Variants in IRF2 observed in about 807,000 individuals in gnomAD.
IRF2 encodes the protein interferon regulatory factor 2.
IRF2 carries 15 observed loss-of-function variants against 40.6 expected under a neutral mutation model. The observed-to-expected ratio is 0.37, with a 90% CI of 0.25 to 0.57. IRF2 has a LOEUF of 0.57. Among genes scored for constraint, IRF2 ranks in the 20% least tolerant of loss-of-function variants. The pLI is 0.77. For missense variants in IRF2, 317 were observed against 455.7 expected, an observed-to-expected ratio of 0.70 and a Z score of 2.77; for synonymous variants, 151 against 165.5, an observed-to-expected ratio of 0.91 and a Z score of 0.67.
At chr4:184,472,597 C>G (rs1452488967) in intron 1 of IRF2, 2 of 152,064 alleles carry the variant, frequency 1.3e-5, no homozygotes, top group Admixed American at 1.3e-4. Context: ...GCCAGCACCA[C>G]TTTTCCTCAT....
intron 1 of IRF2, among the ~76,000 whole-genome samples, chr4:184,454,516 G>T (rs549692606): frequency 1.3e-5 from 2 of 152,292 alleles, no homozygotes; most frequent in South Asian, 4.1e-4. Context: ...TCTGCAAGCT[G>T]CAGAACTGTC....
intron 2 of IRF2, among the ~76,000 whole-genome samples, chr4:184,427,628 G>GA (rs2149903476): frequency 6.6e-6 from 1 of 152,198 alleles, no homozygotes; most frequent in East Asian, 1.9e-4. Context: ...CTGGGTGACA[G>GA]AGGGAGACCT....
At chr4:184,409,936 CA>C (rs1467239483) in intron 5 of IRF2, among the ~76,000 whole-genome samples, 3 of 151,460 alleles carry the variant, frequency 2.0e-5, no homozygotes, top group Admixed American at 1.3e-4. Flanking sequence ...CTTCTGAAAA[CA>C]AAAAACAAAA....
intron 3 of IRF2, among the ~76,000 whole-genome samples, chr4:184,419,026 G>C (rs535505057): frequency 8.5e-5 from 13 of 152,318 alleles, no homozygotes; most frequent in Non-Finnish European, 1.6e-4. Context: ...AGACTGAGAG[G>C]CTGCAAAGTC....
At chr4:184,395,412 C>T (rs868359204) in intron 7 of IRF2, among the ~76,000 whole-genome samples, 1 of 67,098 alleles carries the variant, frequency 1.5e-5, no homozygotes, top group African/African-American at 5.8e-5. Context: ...GACTCCGTCT[C>T]AAAAAAAAAA....
At chr4:184,409,692 G>C (rs554445506) in intron 5 of IRF2, among the ~76,000 whole-genome samples, 21 of 152,062 alleles carry the variant, frequency 1.4e-4, no homozygotes, top group Non-Finnish European at 7.4e-5. Flanking sequence ...CCAGGAGTTC[G>C]AGACCAGCCT....
At chr4:184,473,762 C>G (rs1739619506) in intron 1 of IRF2, among the ~76,000 whole-genome samples, 1 of 149,414 alleles carries the variant, frequency 6.7e-6, no homozygotes, top group Non-Finnish European at 1.5e-5. Context: ...CTGGCCGTGG[C>G]TGGAGGCGCT....
chr4:184,423,180 G>A lies in IRF2; in HGVS notation c.88-3612C>T, dbSNP rs188104852. 4.6e-5 allele frequency among the ~76,000 whole-genome samples: 7 copies of A among 152,242 alleles called. No homozygotes were observed. In the East Asian group the frequency reaches 5.8e-4, roughly 13 times the overall value. ...GTGTTGCTATGTGTGTGTAGACCCC[G>A]TGACGTCAGTATGTGCCAGGTGTCT... On this transcript the variant is annotated intron_variant, in intron 2 of 8. Transcript: ENST00000393593.
At chr4:184,405,300 A>G (rs1172504887) in intron 6 of IRF2, among the ~76,000 whole-genome samples, 1 of 152,190 alleles carries the variant, frequency 6.6e-6, no homozygotes, top group African/African-American at 2.4e-5. Flanking sequence ...CTCAAGGGTC[A>G]ATGATCTGGG....
chr4:184,444,673 A>G (rs896974295), intron 1 of IRF2, among the ~76,000 whole-genome samples: 2 of 152,358 alleles, frequency 1.3e-5, no homozygotes, highest in Admixed American at 1.3e-4. Flanking sequence ...GAGTATTGGG[A>G]CTACAGCAGA....
chr4:184,408,121 T>C lies in IRF2; in HGVS notation c.529+37A>G. The C allele has an allele frequency of 8.0e-7, 1 of 1,257,318 alleles. No homozygotes were observed. Among genetic ancestry groups the C allele is most frequent in the Non-Finnish European group, 1.2e-6 (1 of 859,040 alleles). The allele number at this position is 1,257,318 out of a possible 1,614,324, so 77.9% of individuals were successfully genotyped here. A position where few individuals can be genotyped will look rare whatever the true frequency, so the allele number is the denominator to read the frequency against. ...CAAATTTTAGGCCCCAGGGGGCTGC[T>C]GGTATGTATAAAAAATGAGACGTCA... On this transcript the variant is annotated intron_variant, in intron 6 of 8. Transcript: ENST00000393593. The surrounding 1 kb of genome is among the most constrained non-coding windows in gnomAD (Gnocchi z 4.9).
At chr4:184,390,199 C>A (rs1382683668) in intron 8 of IRF2, among the ~76,000 whole-genome samples, 2 of 152,176 alleles carry the variant, frequency 1.3e-5, no homozygotes, top group Non-Finnish European at 2.9e-5. Flanking sequence ...CCATTGTGCA[C>A]GCCCCATCTA....
intron 7 of IRF2, among the ~76,000 whole-genome samples, chr4:184,397,123 G>A (rs1736495856): frequency 6.6e-6 from 1 of 152,208 alleles, no homozygotes; most frequent in Non-Finnish European, 1.5e-5. Flanking sequence ...CCGAAGACAA[G>A]CTTATCCTGT....
At chr4:184,409,166 G>C (rs1259406143) in intron 5 of IRF2, among the ~76,000 whole-genome samples, 1 of 152,170 alleles carries the variant, frequency 6.6e-6, no homozygotes, top group African/African-American at 2.4e-5. Context: ...GGAATCCAAA[G>C]CGGAAGAGGG....
chr4:184,404,853 G>T (rs1179061981), intron 6 of IRF2, among the ~76,000 whole-genome samples: 2 of 152,196 alleles, frequency 1.3e-5, no homozygotes, highest in Non-Finnish European at 2.9e-5. Flanking sequence ...GCAGGAGGAG[G>T]CAAGAGTGGG....
At position 184,408,393 on chromosome 4, in the gene IRF2, C is replaced by T. The variant is rs369222600; in HGVS notation, c.412-118G>A. The T allele has an allele frequency of 3.5e-5, 25 of 704,500 alleles. No homozygotes were observed. Among genetic ancestry groups the T allele is most frequent in the Middle Eastern group, 2.5e-4 (1 of 4,000 alleles). The allele number at this position is 704,500 out of a possible 1,614,324, so 43.6% of individuals were successfully genotyped here. ...GCTAGGGTCATTCATGTTCAGCTGC[C>T]GAATACATTCATCCCCTGCTTCTTT... On this transcript the variant is annotated intron_variant, in intron 5 of 8. Transcript: ENST00000393593. The surrounding 1 kb of genome is among the most constrained non-coding windows in gnomAD (Gnocchi z 4.9).
At chr4:184,414,121 A>G (rs6844708) in intron 5 of IRF2, among the ~76,000 whole-genome samples, 41,594 of 152,164 alleles carry the variant, frequency 0.27, 5,839 homozygotes, top group Admixed American at 0.36. Context: ...ATAAAAGGGA[A>G]ATGACCTGCC....
At chr4:184,433,803 T>C (rs1561110123) in intron 1 of IRF2, among the ~76,000 whole-genome samples, 3 of 152,184 alleles carry the variant, frequency 2.0e-5, no homozygotes, top group Non-Finnish European at 2.9e-5. Flanking sequence ...AGGTAGTGCA[T>C]TACCAGTGCG....
At chr4:184,434,769 A>G (rs913800586) in intron 1 of IRF2, among the ~76,000 whole-genome samples, 6 of 152,254 alleles carry the variant, frequency 3.9e-5, no homozygotes, top group African/African-American at 1.2e-4. Context: ...AGTACTATCC[A>G]TGATTAGTGC....
Sources: allele counts gnomAD v4.1 joint callset (sites outside exome capture counted in the v4.1 genomes callset), GRCh38; gene constraint gnomAD v4.1.1; non-coding constraint Gnocchi (gnomAD v3.1); transcripts MANE v1.5; gene names NCBI Gene and HGNC (gene_info 2026-07-23, HGNC 2026-07-21).